KCTD21: variants seen among roughly 807,000 people sequenced by gnomAD.
KCTD21 encodes potassium channel tetramerization domain containing 21.
Under a neutral mutation model 13.2 loss-of-function variants are expected in KCTD21, and 9 were observed. That is an observed-to-expected ratio of 0.68 (90% CI 0.41 to 1.19). KCTD21 has a LOEUF of 1.19. KCTD21 is among the 50% of genes most tolerant of loss of function. The probability of loss-of-function intolerance (pLI) is 0.01; values close to 1 mark genes in which losing one functional copy is unlikely to be tolerated. For missense variants in KCTD21, 303 were observed against 336.5 expected (o/e 0.90, Z 0.78); for synonymous variants, 142 against 137.4 (o/e 1.03, Z -0.23).
chr11:78,174,168 C>T lies in KCTD21; in HGVS notation c.387G>A (p.Glu129=). 7 of 1,614,086 alleles carry T rather than the reference C, an allele frequency of 4.3e-6. No homozygotes were observed. Among genetic ancestry groups the T allele is most frequent in the Non-Finnish European group, 5.9e-6 (7 of 1,180,028 alleles). ...AGGAGAGGCTGTAGATCTGGGGTGC[C>T]TCGCGCACAGTGAAGTGGACCGTCT... ...RVQTVHFTVR[E]APQIYSLSSS... The change falls in exon 2 of 2, where the codon GAG becomes GAA. Residue 129 remains glutamate (E), a synonymous_variant. Transcript: ENST00000340067.
Position 78,172,914 on chromosome 11 carries a change from A to C in KCTD21, c.*858T>G, listed in dbSNP as rs546637823. 1.3e-5 allele frequency: 2 copies of C among 152,724 alleles called. No individual in the cohort carries two copies. The highest frequency in any genetic ancestry group is 6.5e-5 in the Admixed American group (1 of 15,302). The allele number at this position is 152,724 out of a possible 1,614,324, so 9.5% of individuals were successfully genotyped here. ...AGGGGTGGGGGAGGACTAAGCAATC[A>C]TCGAATTATTTCCAACCCTGAGAAT... is the stretch of plus-strand genomic sequence containing the variant. On this transcript the variant is annotated 3_prime_UTR_variant, in exon 2 of 2. Transcript: ENST00000340067.
intron 1 of KCTD21, chr11:78,187,407 G>T: frequency 3.0e-6 from 3 of 985,374 alleles, no homozygotes; most frequent in Non-Finnish European, 2.4e-6. Context: ...CCTAGACACA[G>T]GGACCCCAGA....
chr11:78,177,713 G>A (rs1174221549), intron 1 of KCTD21: 2 of 152,324 alleles, frequency 1.3e-5, no homozygotes, highest in Non-Finnish European at 2.9e-5. Flanking sequence ...TTGGGTTTCA[G>A]GCCTAGGATC....
intron 1 of KCTD21, chr11:78,188,314 TATCCGGGCTTTTCCGACTATCACC>T: frequency 1.0e-6 from 1 of 983,950 alleles, no homozygotes; most frequent in South Asian, 4.7e-5. Context: ...CGACCCTCAT[TATCCGGGCTTTTCCGACTATCACC>T]ATCCGCCCTT....
chr11:78,188,376 G>C (rs1294698464), intron 1 of KCTD21, 197 bp downstream of exon 1: 1 of 985,206 alleles, frequency 1.0e-6, no homozygotes, highest in Non-Finnish European at 1.2e-6. Flanking sequence ...GCCCCTCTAA[G>C]AGCTCTGCCC....
At chr11:78,178,136 T>TC (rs1312493448) in intron 1 of KCTD21, among the ~76,000 whole-genome samples, 1 of 147,104 alleles carries the variant, frequency 6.8e-6, no homozygotes, top group Non-Finnish European at 1.5e-5. Context: ...CTTTTCTTTT[T>TC]TTTTTTTTGA....
At chr11:78,184,528 G>C (rs1410778649) in intron 1 of KCTD21, among the ~76,000 whole-genome samples, 1 of 151,980 alleles carries the variant, frequency 6.6e-6, no homozygotes, top group East Asian at 1.9e-4. Flanking sequence ...CTTGAGATGG[G>C]GTATCACCAT....
At chr11:78,186,170 G>A (rs938812019) in intron 1 of KCTD21, among the ~76,000 whole-genome samples, 30 of 150,988 alleles carry the variant, frequency 2.0e-4, no homozygotes, top group Non-Finnish European at 5.9e-5. Flanking sequence ...GAGTTCAGGA[G>A]TTTGAGACCA....
chr11:78,186,648 T>C, intron 1 of KCTD21: 4 of 955,682 alleles, frequency 4.2e-6, no homozygotes, highest in Non-Finnish European at 5.0e-6. Flanking sequence ...TCTTTCAATC[T>C]CACAGATTAA....
At chr11:78,181,246 A>AT (rs1862609232) in intron 1 of KCTD21, among the ~76,000 whole-genome samples, 1 of 152,252 alleles carries the variant, frequency 6.6e-6, no homozygotes. Flanking sequence ...CAGCTTATTC[A>AT]TAATTGCCCA....
At chr11:78,178,113 C>T (rs1436771508) in intron 1 of KCTD21, 1 of 150,250 alleles carries the variant, frequency 6.7e-6, no homozygotes, top group Non-Finnish European at 1.5e-5. Flanking sequence ...AGAGCTCAGT[C>T]CTCTAAGCCC....
intron 1 of KCTD21, among the ~76,000 whole-genome samples, chr11:78,186,104 C>T (rs1441798692): frequency 6.6e-6 from 1 of 151,648 alleles, no homozygotes; most frequent in Non-Finnish European, 1.5e-5. Context: ...AGGCCAGGCT[C>T]AGTGGCTCAT....
At position 78,174,087 on chromosome 11, in the gene KCTD21, G is replaced by C. The variant is rs746595719; in HGVS notation, c.468C>G (p.Leu156=). The C allele has an allele frequency of 6.2e-6, 10 of 1,614,188 alleles. No homozygotes were observed. Among genetic ancestry groups the C allele is most frequent in the South Asian group, 1.1e-5 (1 of 91,082 alleles). Residue 156 remains leucine (L), a synonymous_variant, in exon 2 of 2, where the codon CTC becomes CTG. Coordinates refer to ENST00000340067, the MANE Select transcript of KCTD21 (RefSeq NM_001029859.3). ...ANIFSTSCLF[L]KLLGSKLFYC... is the part of the protein sequence containing the mutation. ...AGAAGAGCTTAGAGCCAAGGAGCTT[G>C]AGGAAGAGGCAGGAGGTGCTGAAGA...
Position 78,174,235 on chromosome 11 carries a change from T to G in KCTD21, c.320A>C (p.Glu107Ala). Residue 107 changes from glutamate to alanine, a missense_variant, in exon 2 of 2, where the codon GAG becomes GCG. Coordinates refer to ENST00000340067, the MANE Select transcript of KCTD21 (RefSeq NM_001029859.3). ...TGTGATGTTGAGCATGGCATTCTTC[T>G]CGGCCTTGGAGAGCTCCACTTCCTT... ...QEKEVELSKA[E>A]KNAMLNITLN... 1 of 1,614,056 alleles carries G rather than the reference T, an allele frequency of 6.2e-7. No homozygotes were observed. The highest frequency in any genetic ancestry group is 8.5e-7 in the Non-Finnish European group (1 of 1,180,028).
At chr11:78,186,666 C>G in intron 1 of KCTD21, 1 of 974,098 alleles carries the variant, frequency 1.0e-6, no homozygotes. Context: ...TAAGTAGATA[C>G]TATTATATAC....
intron 1 of KCTD21, among the ~76,000 whole-genome samples, chr11:78,183,867 C>T (rs1269550623): frequency 6.6e-6 from 1 of 152,040 alleles, no homozygotes; most frequent in Non-Finnish European, 1.5e-5. Context: ...GATCTCCTGA[C>T]CTCGTGATCC....
chr11:78,188,307 C>G, intron 1 of KCTD21: 1 of 984,790 alleles, frequency 1.0e-6, no homozygotes, highest in Non-Finnish European at 1.2e-6. Context: ...ACAGTCCCGA[C>G]CCTCATTATC....
At chr11:78,180,346 A>T (rs1862578408) in intron 1 of KCTD21, among the ~76,000 whole-genome samples, 1 of 152,256 alleles carries the variant, frequency 6.6e-6, no homozygotes, top group Non-Finnish European at 1.5e-5. Flanking sequence ...CTCAAAACTC[A>T]GTAAGAAAAT....
chr11:78,186,403 A>AAG (rs1862771621), intron 1 of KCTD21, among the ~76,000 whole-genome samples: 1 of 136,626 alleles, frequency 7.3e-6, no homozygotes, highest in Non-Finnish European at 1.6e-5. Flanking sequence ...AAAAAAAAAA[A>AAG]AAAAGAAAAG....
Sources: allele counts gnomAD v4.1 joint callset (sites outside exome capture counted in the v4.1 genomes callset), GRCh38; gene constraint gnomAD v4.1.1; transcripts MANE v1.5; gene names NCBI Gene and HGNC (gene_info 2026-07-23, HGNC 2026-07-21).